Variants in FRS2 observed in about 807,000 individuals in gnomAD.
FRS2 encodes FGFR signalling adaptor.
In FRS2, 8 loss-of-function variants were observed where a neutral mutation model predicts 43.9. That is an observed-to-expected ratio of 0.18 (90% CI 0.11 to 0.33). FRS2 has a LOEUF of 0.33. Among genes scored for constraint, FRS2 ranks in the 10% least tolerant of loss-of-function variants. FRS2 has a pLI of 1.00. For missense variants in FRS2, 534 were observed against 627.6 expected (o/e 0.85, Z 1.59); for synonymous variants, 219 against 220.3 (o/e 0.99, Z 0.05).
At chr12:69,538,460 T>C (rs1877557962) in intron 3 of FRS2, among the ~76,000 whole-genome samples, 1 of 151,932 alleles carries the variant, frequency 6.6e-6, no homozygotes, top group Admixed American at 6.6e-5. Flanking sequence ...TCATGCCTTT[T>C]TATATGTTTA....
At chr12:69,470,993 C>T (rs902182747) in intron 1 of FRS2, among the ~76,000 whole-genome samples, 6 of 152,074 alleles carry the variant, frequency 3.9e-5, no homozygotes, top group African/African-American at 1.4e-4. Context: ...GTCGTCTTTT[C>T]CCTCCAGGGT....
rs906397707 is a variant in FRS2, at chr12:69,539,746, G to A, written c.-122+7690G>A. Among the ~76,000 whole-genome samples, 16 of 152,160 alleles carry A rather than the reference G, an allele frequency of 1.1e-4. 2 individuals are homozygous for A. The highest frequency in any genetic ancestry group is 1.0e-3 in the South Asian group (5 of 4,816). On this transcript the variant is annotated intron_variant, in intron 3 of 8. Coordinates refer to ENST00000549921, the MANE Select transcript of FRS2 (RefSeq NM_001278356.2). ...CAAGGCGGGCAAATCACGAGGTCAG[G>A]AGTTCGAGACCAGCCTGGCCAACAT...
At chr12:69,572,030 A>G (rs1031160569) in intron 7 of FRS2, 88 bp from the exon 8 acceptor site, 25 of 937,660 alleles carry the variant, frequency 2.7e-5, no homozygotes, top group Non-Finnish European at 3.7e-5. Context: ...AAGACCTCCT[A>G]TAATCCTCAG....
rs992447391 is a variant in FRS2 at position 69,572,169 on chromosome 12, C to T, written c.464C>T (p.Ser155Leu). The change falls in exon 8 of 9, where the codon TCA (serine) becomes TTA (leucine). Residue 155 changes from serine to leucine, a missense_variant. Coordinates refer to ENST00000549921, the MANE Select transcript of FRS2 (RefSeq NM_001278356.2). ...NLPNGYPRYP[S>L]FGDASSHPSS... Reference sequence around the variant, plus strand: ...CCTAATGGATATCCCCGATATCCCTCATTTGGAGATGCTTCATCCCATCCG... The same window carrying T: ...CCTAATGGATATCCCCGATATCCCTTATTTGGAGATGCTTCATCCCATCCG... The T allele has an allele frequency of 2.5e-6, 4 of 1,612,234 alleles. No individual in the cohort carries two copies. Among genetic ancestry groups the T allele is most frequent in the Admixed American group, 3.3e-5 (2 of 59,984 alleles).
chr12:69,481,369 C>T (rs1871332987), intron 1 of FRS2, among the ~76,000 whole-genome samples: 1 of 151,116 alleles, frequency 6.6e-6, no homozygotes, highest in African/African-American at 2.4e-5. Flanking sequence ...CAACCTTGAA[C>T]TCCTAGGCTC....
intron 1 of FRS2, among the ~76,000 whole-genome samples, chr12:69,485,632 G>A (rs1299313921): frequency 2.6e-5 from 4 of 152,044 alleles, no homozygotes; most frequent in East Asian, 1.9e-4. Context: ...ACAGGCTCCC[G>A]CTTTCATGCC....
rs1881398946 is a variant in FRS2 at position 69,579,279 on chromosome 12, C to G, written c.*4324C>G. Reference sequence around the variant, plus strand: ...TTTTTTGCCATATAAGCCATGTCATCAGGCATGAAAAGTTTTCTCATATAT... The same window carrying G: ...TTTTTTGCCATATAAGCCATGTCATGAGGCATGAAAAGTTTTCTCATATAT... On this transcript the variant is annotated 3_prime_UTR_variant, in exon 9 of 9. Coordinates refer to ENST00000549921, the MANE Select transcript of FRS2 (RefSeq NM_001278356.2). 6.6e-6 allele frequency: 1 copy of G among 152,626 alleles called. No homozygotes were observed. The highest frequency in any genetic ancestry group is 2.1e-4 in the South Asian group (1 of 4,834). The allele number at this position is 152,626 out of a possible 1,614,324, so 9.5% of individuals were successfully genotyped here. A position where few individuals can be genotyped will look rare whatever the true frequency, so the allele number is the denominator to read the frequency against.
intron 1 of FRS2, among the ~76,000 whole-genome samples, chr12:69,473,000 A>G (rs539093566): frequency 1.3e-5 from 2 of 152,364 alleles, no homozygotes; most frequent in East Asian, 1.9e-4. Context: ...AACATTTGTA[A>G]ATACTTATGG....
intron 6 of FRS2, among the ~76,000 whole-genome samples, chr12:69,570,793 T>C (rs556991555): frequency 1.1e-4 from 17 of 152,250 alleles, no homozygotes; most frequent in Non-Finnish European, 2.4e-4. Flanking sequence ...ATTTTTTTAC[T>C]ACCTACTACT....
intron 1 of FRS2, among the ~76,000 whole-genome samples, chr12:69,509,854 A>C (rs1346227073): frequency 2.0e-5 from 3 of 152,186 alleles, no homozygotes; most frequent in Non-Finnish European, 4.4e-5. Flanking sequence ...AGGAAGGGTC[A>C]GTCATGCTTT....
intron 1 of FRS2, among the ~76,000 whole-genome samples, chr12:69,480,052 G>T (rs955979425): frequency 1.3e-5 from 2 of 152,096 alleles, no homozygotes; most frequent in Non-Finnish European, 2.9e-5. Flanking sequence ...CTTCAGCTGT[G>T]TTCAACCAGT....
chr12:69,489,222 A>G (rs1872230136), intron 1 of FRS2, among the ~76,000 whole-genome samples: 1 of 152,156 alleles, frequency 6.6e-6, no homozygotes, highest in Non-Finnish European at 1.5e-5. Flanking sequence ...TGATTTACCC[A>G]GTCAATAGGT....
At chr12:69,503,137 G>A (rs1194725654) in intron 1 of FRS2, among the ~76,000 whole-genome samples, 1 of 152,166 alleles carries the variant, frequency 6.6e-6, no homozygotes, top group African/African-American at 2.4e-5. Context: ...GCAGAACTGA[G>A]TTCCTTGCAG....
chr12:69,482,640 G>A (rs1048114598), intron 1 of FRS2, among the ~76,000 whole-genome samples: 1 of 152,182 alleles, frequency 6.6e-6, no homozygotes, highest in African/African-American at 2.4e-5. Flanking sequence ...TATCTTTTGT[G>A]TGTAGTAGTC....
intron 4 of FRS2, among the ~76,000 whole-genome samples, chr12:69,563,399 C>T (rs771867393): frequency 2.0e-5 from 3 of 152,192 alleles, no homozygotes; most frequent in African/African-American, 4.8e-5. Context: ...TTTAGCCTTA[C>T]TGAGGCCACC....
At chr12:69,566,422 T>A (rs1880301810) in intron 4 of FRS2, among the ~76,000 whole-genome samples, 1 of 152,146 alleles carries the variant, frequency 6.6e-6, no homozygotes, top group African/African-American at 2.4e-5. Flanking sequence ...TTAAAATTTC[T>A]TATATTACTC....
At chr12:69,487,985 A>G (rs1393204105) in intron 1 of FRS2, among the ~76,000 whole-genome samples, 1 of 152,206 alleles carries the variant, frequency 6.6e-6, no homozygotes, top group Non-Finnish European at 1.5e-5. Flanking sequence ...CTGCAATCTC[A>G]TGGTCAAACT....
chr12:69,492,399 G>A (rs1169226190), intron 1 of FRS2, among the ~76,000 whole-genome samples: 1 of 152,192 alleles, frequency 6.6e-6, no homozygotes, highest in East Asian at 1.9e-4. Context: ...CAGGTAAGTT[G>A]AGATGAACTA....
At chr12:69,571,732 T>C (rs958150076) in intron 7 of FRS2, among the ~76,000 whole-genome samples, 1 of 151,816 alleles carries the variant, frequency 6.6e-6, no homozygotes, top group Non-Finnish European at 1.5e-5. Context: ...GGCGTGGTGG[T>C]GGGCACCTGT....
Sources: allele counts gnomAD v4.1 joint callset (sites outside exome capture counted in the v4.1 genomes callset), GRCh38; gene constraint gnomAD v4.1.1; transcripts MANE v1.5; gene names NCBI Gene and HGNC (gene_info 2026-07-23, HGNC 2026-07-21).